SACS: variants seen among roughly 807,000 people sequenced by gnomAD.
The protein encoded by SACS is sacsin molecular chaperone.
In SACS, 197 loss-of-function variants were observed where a neutral mutation model predicts 348.0. That is an observed-to-expected ratio of 0.57 (90% CI 0.50 to 0.64). SACS has a LOEUF of 0.64. Among genes scored for constraint, SACS ranks in the 30% least tolerant of loss-of-function variants. The pLI, the probability that SACS is intolerant of heterozygous loss-of-function variation, is 0.00. For synonymous variants in SACS, 1,985 were observed against 1,910.6 expected (o/e 1.04, Z -1.02); for missense variants, 4,999 against 5,360.8 (o/e 0.93, Z 2.11).
In SACS at chr13:23,337,842, A is replaced by T. The variant is rs779076185; in HGVS notation, c.6034T>A (p.Phe2012Ile). 6.2e-7 allele frequency: 1 copy of T among 1,613,938 alleles called. No individual in the cohort carries two copies. Residue 2012 changes from phenylalanine (F) to isoleucine (I), a missense_variant, in exon 10 of 10, where the codon TTT becomes ATT. By Grantham distance (21) the Phe-to-Ile change is conservative. This residue lies in a region of SACS where 3,156 missense variants were observed against 3,380.1 expected (regional missense o/e 0.93). Coordinates refer to ENST00000382292, the MANE Select transcript of SACS (RefSeq NM_014363.6). Reference protein sequence around the residue: ...RDVGSAAFKIFLKYLKKTGSK... With the variant: ...RDVGSAAFKIILKYLKKTGSK... ...CCAGTCTTCTTGAGGTATTTCAAAA[A>T]TATCTTGAAGGCTGCTGAACCAACA... is the stretch of plus-strand genomic sequence containing the variant.
chr13:23,401,100 T>G (rs565537258), intron 2 of SACS, among the ~76,000 whole-genome samples: 1 of 152,298 alleles, frequency 6.6e-6, no homozygotes, highest in African/African-American at 2.4e-5. Flanking sequence ...ATACCTGCAT[T>G]GTCCATGACA....
rs184008990 is a variant in SACS at position 23,379,037 on chromosome 13, C to T, written c.21-3768G>A. On this transcript the variant is annotated intron_variant, in intron 2 of 9. Transcript: ENST00000382292. The stretch of plus-strand genomic sequence containing the variant: ...CTACTCTTCCAGTCAGTTAATATCC[C>T]TTCTGCTTTTCCTTTATTTTTCTGA... Among the ~76,000 whole-genome samples the T allele has an allele frequency of 3.9e-5, 6 of 152,276 alleles. No individual in the cohort carries two copies. The East Asian group carries it at 1.2e-3, about 29-fold the overall frequency.
chr13:23,333,479 A>G lies in SACS; in HGVS notation c.10397T>C (p.Ile3466Thr). 1.2e-6 allele frequency: 2 copies of G among 1,613,214 alleles called. No individual in the cohort carries two copies. The highest frequency in any genetic ancestry group is 1.7e-6 in the Non-Finnish European group (2 of 1,179,416). Residue 3466 changes from isoleucine to threonine, a missense_variant, in exon 10 of 10, where the codon ATT becomes ACT. Around this residue, in one of 6 missense-constraint regions of SACS, gnomAD observed 734 missense variants for 694.0 expected, o/e 1.06. Transcript: ENST00000382292. ...AAGATCATCTACAGGTACACAACCA[A>G]TCACCTCATATAGTTCTTTTAAGTG... is the stretch of plus-strand genomic sequence containing the variant. ...KIHLKELYEV[I>T]GCVPVDDLEV...
chr13:23,333,742 T>C lies in SACS; in HGVS notation c.10134A>G (p.Lys3378=). Reference sequence around the variant, plus strand: ...GTGCCTCAAAATCATTTTCTACTAATTTTTCTGCTCTAAATGTTGAAGTTT... The same window carrying C: ...GTGCCTCAAAATCATTTTCTACTAACTTTTCTGCTCTAAATGTTGAAGTTT... The part of the protein sequence containing the change: ...MVQTSTFRAE[K]LVENDFEALL... The change falls in exon 10 of 10, where the codon AAA becomes AAG. Residue 3378 remains lysine, a synonymous_variant. Transcript: ENST00000382292. The C allele has an allele frequency of 1.2e-6, 2 of 1,613,836 alleles. No homozygotes were observed. The highest frequency in any genetic ancestry group is 1.7e-6 in the Non-Finnish European group (2 of 1,179,798).
chr13:23,427,905 C>CTA (rs1395554786), intron 1 of SACS: 2 of 152,234 alleles, frequency 1.3e-5, no homozygotes, highest in Non-Finnish European at 2.9e-5. Flanking sequence ...CACGAATACT[C>CTA]TATCTCCTCT....
chr13:23,384,141 A>C (rs998163163), intron 2 of SACS, among the ~76,000 whole-genome samples: 18 of 152,202 alleles, frequency 1.2e-4, no homozygotes, highest in African/African-American at 4.1e-4. Flanking sequence ...AGATGGGAAG[A>C]CTCAAATAAC....
Position 23,329,462 on chromosome 13 carries a change from G to GCTAT in SACS, c.*670_*673dup, listed in dbSNP as rs1566053007. On this transcript the variant is annotated 3_prime_UTR_variant, in exon 10 of 10. Coordinates refer to ENST00000382292, the MANE Select transcript of SACS (RefSeq NM_014363.6). ...CTGCCACCATTTTGAGTTTTCCGTT[G>GCTAT]CTATCTTCATCAAACAGGAAGCCTG... The GCTAT allele has an allele frequency of 2.6e-6, 2 of 768,044 alleles. No homozygotes were observed. Among genetic ancestry groups the GCTAT allele is most frequent in the Admixed American group, 3.5e-5 (2 of 56,466 alleles). The allele number at this position is 768,044 out of a possible 1,614,324, so 47.6% of individuals were successfully genotyped here. A position where few individuals can be genotyped will look rare whatever the true frequency, so the allele number is the denominator to read the frequency against.
rs543697161 is a variant in SACS at position 23,346,301 on chromosome 13, C to T, written c.2186-4611G>A. Among the ~76,000 whole-genome samples, 85 of 152,218 alleles carry T rather than the reference C, an allele frequency of 5.6e-4. No homozygotes were observed. In the South Asian group the frequency reaches 0.016, roughly 29 times the overall value. Reference sequence around the variant, plus strand: ...CTGGGATTAAAGGTGCCTGCCACCACGCCTGGCTAATTTTTTGTATTTTTA... The same window carrying T: ...CTGGGATTAAAGGTGCCTGCCACCATGCCTGGCTAATTTTTTGTATTTTTA... On this transcript the variant is annotated intron_variant, in intron 9 of 9. Transcript: ENST00000382292.
rs757691768 is a variant in SACS at position 23,341,228 on chromosome 13, A to G, written c.2648T>C (p.Met883Thr). 13 of 1,614,040 alleles carry G rather than the reference A, an allele frequency of 8.1e-6. No individual in the cohort carries two copies. The highest frequency in any genetic ancestry group is 1.3e-5 in the African/African-American group (1 of 75,068). ...PSAVLQIMEK[M>T]PLQKLCNQIT... ...TTGATTACACAATTTCTGCAATGGC[A>G]TCTTCTCCATTATCTGCAAAACAGC... Residue 883 changes from methionine to threonine, a missense_variant, in exon 10 of 10, where the codon ATG becomes ACG. Met to Thr is a moderately conservative substitution (Grantham distance 81). Coordinates refer to ENST00000382292, the MANE Select transcript of SACS (RefSeq NM_014363.6).
At chr13:23,366,990 A>C (rs957592139) in intron 5 of SACS, among the ~76,000 whole-genome samples, 2 of 152,198 alleles carry the variant, frequency 1.3e-5, no homozygotes, top group African/African-American at 4.8e-5. Context: ...GCTACAATAC[A>C]AATATATCTA....
At chr13:23,357,126 T>G (rs757450126) in intron 7 of SACS, among the ~76,000 whole-genome samples, 9 of 152,204 alleles carry the variant, frequency 5.9e-5, no homozygotes, top group Non-Finnish European at 1.0e-4. Context: ...TTATTCTCAA[T>G]GAGCAATCAA....
In SACS at chr13:23,400,919, T is replaced by C. The variant is rs74440621; in HGVS notation, c.20+10301A>G. Among the ~76,000 whole-genome samples the C allele has an allele frequency of 8.4e-3, 1,287 of 152,308 alleles. 16 individuals carry two copies. Among genetic ancestry groups the C allele is most frequent in the African/African-American group, 0.03 (1,250 of 41,560 alleles). On this transcript the variant is annotated intron_variant, in intron 2 of 9. Coordinates refer to ENST00000382292, the MANE Select transcript of SACS (RefSeq NM_014363.6). The stretch of plus-strand genomic sequence containing the variant: ...ATCCTCCCAAATTTGTTCTTTCACC[T>C]TGTAAATAGAGTGGTGTTAAAAATT...
In SACS at chr13:23,354,729, G is replaced by A; in HGVS notation, c.1883C>T (p.Pro628Leu). The change falls in exon 8 of 10, where the codon CCC (proline) becomes CTC (leucine). Residue 628 changes from proline to leucine, a missense_variant. Around this residue, in one of 6 missense-constraint regions of SACS, gnomAD observed 3,156 missense variants for 3,380.1 expected, o/e 0.93. Coordinates refer to ENST00000382292, the MANE Select transcript of SACS (RefSeq NM_014363.6). ...CCGCAGCACCTGCCGCACCCACGCGGGCGTCACCTTCCTCACAGGTGTTGT... is the reference window on the plus strand; with the variant it reads ...CCGCAGCACCTGCCGCACCCACGCGAGCGTCACCTTCCTCACAGGTGTTGT... ...SGTTPVRKVT[P>L]AWVRQVLRKC... 7 of 1,613,598 alleles carry A rather than the reference G, an allele frequency of 4.3e-6. No individual in the cohort carries two copies. The highest frequency in any genetic ancestry group is 5.9e-6 in the Non-Finnish European group (7 of 1,179,604).
rs1242936160 is a variant in SACS, at chr13:23,337,633, T to A, written c.6243A>T (p.Leu2081=). ...CCGAGAACTCATCAACTTTTTCATTTAGAACAAAGATCATTAAAGGATCTC... is the reference window on the plus strand; with the variant it reads ...CCGAGAACTCATCAACTTTTTCATTAAGAACAAAGATCATTAAAGGATCTC... ...ELRDPLMIFV[L]NEKVDEFSGV... is the part of the protein sequence containing the mutation. The change falls in exon 10 of 10, where the codon CTA becomes CTT. Residue 2081 remains leucine (L), a synonymous_variant. Coordinates refer to ENST00000382292, the MANE Select transcript of SACS (RefSeq NM_014363.6). 6.2e-7 allele frequency: 1 copy of A among 1,613,752 alleles called. No homozygotes were observed. The highest frequency in any genetic ancestry group is 1.3e-5 in the African/African-American group (1 of 74,944).
chr13:23,334,518 G>A lies in SACS; in HGVS notation c.9358C>T (p.Arg3120Cys), dbSNP rs748892917. 95 of 1,613,220 alleles carry A rather than the reference G, an allele frequency of 5.9e-5. No homozygotes were observed. Among genetic ancestry groups the A allele is most frequent in the Non-Finnish European group, 7.4e-5 (87 of 1,179,746 alleles). Reference sequence around the variant, plus strand: ...AGTTTTAGATTAGTCTGCTGCAGACGACAAGGCAGCTTCCCAATATGGCAA... The same window carrying A: ...AGTTTTAGATTAGTCTGCTGCAGACAACAAGGCAGCTTCCCAATATGGCAA... ...TNCHIGKLPC[R>C]LQQTNLKLFH... is the part of the protein sequence containing the mutation. The change falls in exon 10 of 10, where the codon CGT (arginine) becomes TGT (cysteine). Residue 3120 changes from arginine (R) to cysteine (C), a missense_variant. Arg to Cys is a radical substitution (Grantham distance 180). Around this residue, in one of 6 missense-constraint regions of SACS, gnomAD observed 734 missense variants for 694.0 expected, o/e 1.06. Transcript: ENST00000382292.
In SACS at chr13:23,406,978, T is replaced by C. The variant is rs1048016440; in HGVS notation, c.20+4242A>G. ...CCTCTTTGCAAATTAAAGTCAGCCA[T>C]TTGGCACAGTGTATCTTCCACACTC... On this transcript the variant is annotated intron_variant, in intron 2 of 9. Coordinates refer to ENST00000382292, the MANE Select transcript of SACS (RefSeq NM_014363.6). Among the ~76,000 whole-genome samples the C allele has an allele frequency of 7.9e-5, 12 of 152,294 alleles. No individual in the cohort carries two copies. In the South Asian group the frequency reaches 8.3e-4, roughly 11 times the overall value.
Position 23,335,635 on chromosome 13 carries a change from A to G in SACS, c.8241T>C (p.Ile2747=), listed in dbSNP as rs2137593811. The part of the protein sequence containing the change: ...LLMFLNHMEK[I]SICEIDKSTG... ...TACTCTTATCTATTTCACAAATAGAAATTTTTTCCATGTGATTAAGAAACA... is the reference window on the plus strand; with the variant it reads ...TACTCTTATCTATTTCACAAATAGAGATTTTTTCCATGTGATTAAGAAACA... The change falls in exon 10 of 10, where the codon ATT becomes ATC. Residue 2747 remains isoleucine (I), a synonymous_variant. Coordinates refer to ENST00000382292, the MANE Select transcript of SACS (RefSeq NM_014363.6). The surrounding 1 kb of genome is among the most constrained non-coding windows in gnomAD (Gnocchi z 4.7). 6.2e-7 allele frequency: 1 copy of G among 1,613,954 alleles called. No homozygotes were observed. Among genetic ancestry groups the G allele is most frequent in the Non-Finnish European group, 8.5e-7 (1 of 1,179,894 alleles).
At chr13:23,374,952 GA>G (rs1446585966) in intron 3 of SACS, among the ~76,000 whole-genome samples, 166 bp downstream of exon 3, 4 of 152,218 alleles carry the variant, frequency 2.6e-5, no homozygotes, top group Non-Finnish European at 5.9e-5. Context: ...GATGCAAACG[GA>G]AAAGGCAAGT....
intron 2 of SACS, among the ~76,000 whole-genome samples, chr13:23,394,907 G>C (rs1325662983): frequency 6.6e-6 from 1 of 152,122 alleles, no homozygotes; most frequent in Non-Finnish European, 1.5e-5. Context: ...TCTTATCATT[G>C]GATCCTTGGA....
Sources: gnomAD v4.1 joint callset for allele counts (sites outside exome capture counted in the v4.1 genomes callset) on GRCh38, gnomAD v4.1.1 for gene constraint, gnomAD v4.1.1 regional missense constraint, Gnocchi (gnomAD v3.1) non-coding constraint, MANE v1.5 for transcripts, NCBI Gene and HGNC (gene_info 2026-07-23, HGNC 2026-07-21) for gene names.